SEPSECS: variants seen among roughly 807,000 people sequenced by gnomAD.
SEPSECS encodes O-phosphoseryl-tRNA(Sec) selenium transferase.
In SEPSECS, 42 loss-of-function variants were observed where a neutral mutation model predicts 52.1. That is an observed-to-expected ratio of 0.81 (90% CI 0.63 to 1.04). SEPSECS has a LOEUF of 1.04. Ranked by LOEUF, SEPSECS falls within the 50% of genes least tolerant of loss-of-function variation. The pLI is 0.00. For missense variants in SEPSECS, 590 were observed against 610.6 expected (o/e 0.97, Z 0.36); for synonymous variants, 216 against 211.4 (o/e 1.02, Z -0.19).
rs1261267969 is a variant in SEPSECS, at chr4:25,127,264, C to T, written c.1120G>A (p.Ala374Thr). The T allele has an allele frequency of 1.9e-6, 3 of 1,602,160 alleles. No homozygotes were observed. Among genetic ancestry groups the T allele is most frequent in the Non-Finnish European group, 2.6e-6 (3 of 1,169,884 alleles). ...TTTTCTTTAGGAAAAAAGAAATTAC[C>T]TAAAGATATGGGATTGTGAGGTGTA... Reference protein sequence around the residue: ...LHTPHNPISLAMTLKTLDEHR... With the variant: ...LHTPHNPISLTMTLKTLDEHR... The change falls in exon 9 of 11, where the codon GCT becomes ACT. Residue 374 changes from alanine (A) to threonine (T), a missense_variant and splice_region_variant. Transcript: ENST00000382103.
At chr4:25,145,998 C>T (rs961514638) in intron 6 of SEPSECS, among the ~76,000 whole-genome samples, 2 of 152,152 alleles carry the variant, frequency 1.3e-5, no homozygotes, top group Non-Finnish European at 2.9e-5. Context: ...CAGTGAAAAT[C>T]TAATATTCCG....
In SEPSECS at chr4:25,144,832, A is replaced by C; in HGVS notation, c.968T>G (p.Leu323Arg). Residue 323 changes from leucine to arginine, a missense_variant, in exon 8 of 11, where the codon CTT (leucine) becomes CGT (arginine). Leu to Arg is a moderately radical substitution (Grantham distance 102). Transcript: ENST00000382103. Reference protein sequence around the residue: ...RASASPSLDVLITLLSLGSNG... With the variant: ...RASASPSLDVRITLLSLGSNG... ...TGATCCAAGTGACAATAAAGTAATA[A>C]GGACATCTAAAGAAGGTGAAGCTGA... The C allele has an allele frequency of 6.2e-7, 1 of 1,613,462 alleles. No individual in the cohort carries two copies. Among genetic ancestry groups the C allele is most frequent in the Non-Finnish European group, 8.5e-7 (1 of 1,179,550 alleles).
chr4:25,128,903 C>G (rs1441070676), intron 8 of SEPSECS, among the ~76,000 whole-genome samples: 1 of 152,124 alleles, frequency 6.6e-6, no homozygotes, highest in African/African-American at 2.4e-5. Flanking sequence ...CTGAAGCACA[C>G]AGATGACTAA....
In SEPSECS at chr4:25,123,802, G is replaced by T. The variant is rs1728231842; in HGVS notation, c.*129C>A. 3.7e-6 allele frequency: 3 copies of T among 805,874 alleles called. No homozygotes were observed. The highest frequency in any genetic ancestry group is 6.2e-6 in the Non-Finnish European group (3 of 481,960). The allele number at this position is 805,874 out of a possible 1,614,324, so 49.9% of individuals were successfully genotyped here. A position where few individuals can be genotyped will look rare whatever the true frequency, so the allele number is the denominator to read the frequency against. On this transcript the variant is annotated 3_prime_UTR_variant, in exon 11 of 11. Coordinates refer to ENST00000382103, the MANE Select transcript of SEPSECS (RefSeq NM_016955.4). ...TCATCAATGGCTAGTTCAGACCAAA[G>T]TCTGCTCCTTGACTGAATATTCCCA...
Position 25,123,313 on chromosome 4 carries a change from G to A in SEPSECS, c.*618C>T, listed in dbSNP as rs1282354845. On this transcript the variant is annotated 3_prime_UTR_variant, in exon 11 of 11. Transcript: ENST00000382103. ...GTTGTCCCATGCATTGTAGGATGTT[G>A]AGTAGCACCCTGGCCTCTATCCTCT... 6.5e-6 allele frequency: 1 copy of A among 154,644 alleles called. No individual in the cohort carries two copies. Among genetic ancestry groups the A allele is most frequent in the Non-Finnish European group, 1.4e-5 (1 of 69,598 alleles). The allele number at this position is 154,644 out of a possible 1,614,324, so 9.6% of individuals were successfully genotyped here.
At chr4:25,160,481 CA>C (rs550437770), upstream of SEPSECS, 2 of 816,320 alleles carry the variant, frequency 2.5e-6, no homozygotes, top group South Asian at 1.7e-5. Flanking sequence ...CGCCTTGGGA[CA>C]AAAAACAAAA....
chr4:25,122,769 T>G lies in SEPSECS; in HGVS notation c.*1162A>C, dbSNP rs1728180042. ...TTAAAATAGTCTTAAGTAAGTCTAT[T>G]TCTTAAATTAACAACAAAAATTATT... On this transcript the variant is annotated 3_prime_UTR_variant, in exon 11 of 11. Transcript: ENST00000382103. The G allele has an allele frequency of 6.6e-6, 1 of 152,184 alleles. No homozygotes were observed. The highest frequency in any genetic ancestry group is 1.5e-5 in the Non-Finnish European group (1 of 68,008). The allele number at this position is 152,184 out of a possible 1,614,324, so 9.4% of individuals were successfully genotyped here. A position where few individuals can be genotyped will look rare whatever the true frequency, so the allele number is the denominator to read the frequency against.
intron 5 of SEPSECS, among the ~76,000 whole-genome samples, chr4:25,154,317 T>C (rs943172319): frequency 6.6e-6 from 1 of 152,066 alleles, no homozygotes; most frequent in African/African-American, 2.4e-5. Flanking sequence ...CCAAAGTCAA[T>C]ATAGTGCTTA....
At chr4:25,136,466 T>C (rs1483875210) in intron 8 of SEPSECS, among the ~76,000 whole-genome samples, 1 of 152,000 alleles carries the variant, frequency 6.6e-6, no homozygotes. Context: ...CATTCACAAT[T>C]ACTGCAAAGA....
intron 8 of SEPSECS, among the ~76,000 whole-genome samples, chr4:25,132,403 C>A (rs1380539607): frequency 1.3e-5 from 2 of 152,146 alleles, no homozygotes; most frequent in East Asian, 3.9e-4. Context: ...TTCTCCAGAG[C>A]TGAACCAATA....
intron 9 of SEPSECS, 110 bp downstream of exon 9, chr4:25,127,153 AT>A: frequency 1.4e-6 from 1 of 708,358 alleles, no homozygotes; most frequent in South Asian, 1.7e-5. Flanking sequence ...ACTGTGATGA[AT>A]TTATAAATAT....
chr4:25,122,650 A>G lies in SEPSECS; in HGVS notation c.*1281T>C, dbSNP rs1187238912. 3 of 152,210 alleles carry G rather than the reference A, an allele frequency of 2.0e-5. No homozygotes were observed. Among genetic ancestry groups the G allele is most frequent in the African/African-American group, 4.8e-5 (2 of 41,464 alleles). The allele number at this position is 152,210 out of a possible 1,614,324, so 9.4% of individuals were successfully genotyped here. ...CTCCCCATGAGCATCTTTTAGGAAC[A>G]TGATCCACAGAGCTGGGTTTGAGAA... On this transcript the variant is annotated 3_prime_UTR_variant, in exon 11 of 11. Transcript: ENST00000382103.
At chr4:25,145,542 G>T (rs965894597) in intron 6 of SEPSECS, among the ~76,000 whole-genome samples, 1 of 152,132 alleles carries the variant, frequency 6.6e-6, no homozygotes, top group Non-Finnish European at 1.5e-5. Flanking sequence ...AGGCAAGCAC[G>T]GTTTCAGTAT....
chr4:25,146,792 C>T (rs1711989276), intron 6 of SEPSECS, among the ~76,000 whole-genome samples: 1 of 152,174 alleles, frequency 6.6e-6, no homozygotes, highest in East Asian at 1.9e-4. Flanking sequence ...AATCCACTCT[C>T]AAAATACATC....
rs1054476798 is a variant in SEPSECS, at chr4:25,158,957, A to G, written c.265T>C (p.Tyr89His). The change falls in exon 2 of 11, where the codon TAC (tyrosine) becomes CAC (histidine). Residue 89 changes from tyrosine (Y) to histidine (H), a missense_variant. Transcript: ENST00000382103. ...VASALVARRH[Y>H]RFIHGIGRSG... ...GTACTACTTAAAAAAAGATACCTGTAATGACGACGAGCAACCAGTGCGGAT... is the reference window on the plus strand; with the variant it reads ...GTACTACTTAAAAAAAGATACCTGTGATGACGACGAGCAACCAGTGCGGAT... The G allele has an allele frequency of 1.1e-5, 18 of 1,613,696 alleles. No homozygotes were observed. Among genetic ancestry groups the G allele is most frequent in the East Asian group, 2.2e-5 (1 of 44,898 alleles).
chr4:25,147,486 A>G (rs774645388), intron 6 of SEPSECS, among the ~76,000 whole-genome samples: 6 of 152,204 alleles, frequency 3.9e-5, no homozygotes, highest in Non-Finnish European at 5.9e-5. Flanking sequence ...TGAACAGGCA[A>G]AGTTGCTGCT....
At chr4:25,159,814 C>T in intron 1 of SEPSECS, 1 of 1,092,748 alleles carries the variant, frequency 9.2e-7, no homozygotes, top group Non-Finnish European at 1.1e-6. Flanking sequence ...AATTAAAATA[C>T]ATGAACGCTG....
intron 5 of SEPSECS, 135 bp from the exon 6 acceptor site, chr4:25,152,197 CTATTGCAG>C: frequency 1.6e-6 from 1 of 624,642 alleles, no homozygotes; most frequent in Non-Finnish European, 2.9e-6. Flanking sequence ...ACTGAAATTT[CTATTGCAG>C]TATTTTGACA....
Position 25,124,030 on chromosome 4 carries a change from A to G in SEPSECS, c.1407T>C (p.Ser469=). Residue 469 remains serine (S), a synonymous_variant, in exon 11 of 11, where the codon AGT becomes AGC. Transcript: ENST00000382103. ...KAVRKERSKE[S]DDNYDKTEDV... is the part of the protein sequence containing the mutation. ...CTTCAGTTTTGTCATAATTGTCATC[A>G]CTCTCTTTACTTCGTTCTTTTCTTA... The G allele has an allele frequency of 6.2e-7, 1 of 1,613,382 alleles. No individual in the cohort carries two copies. Among genetic ancestry groups the G allele is most frequent in the South Asian group, 1.1e-5 (1 of 91,052 alleles).
Sources: gnomAD v4.1 joint callset for allele counts (sites outside exome capture counted in the v4.1 genomes callset) on GRCh38, gnomAD v4.1.1 for gene constraint, MANE v1.5 for transcripts, NCBI Gene and HGNC (gene_info 2026-07-23, HGNC 2026-07-21) for gene names.